The following HDAC9 variants were observed in gnomAD, a reference collection of about 807,000 sequenced individuals.
HDAC9 encodes MEF-2 interacting transcription repressor (MITR) protein.
A neutral mutation model predicts 139.4 loss-of-function variants in HDAC9; 41 were observed. The ratio of observed to expected loss-of-function variants is 0.29; its 90% CI spans 0.23 to 0.38. The LOEUF (loss-of-function observed/expected upper bound fraction) is 0.38, where lower values mean the gene tolerates loss of function less well. Ranked by LOEUF, HDAC9 falls within the 10% of genes least tolerant of loss-of-function variation. HDAC9 has a pLI of 1.00. For synonymous variants in HDAC9, 517 were observed against 476.2 expected, an observed-to-expected ratio of 1.09 and a Z score of -1.12; for missense variants, 1,147 against 1,297.0, an observed-to-expected ratio of 0.88 and a Z score of 1.78.
At chr7:18,752,941 A>G (rs1387616240) in intron 14 of HDAC9, among the ~76,000 whole-genome samples, 2 of 152,080 alleles carry the variant, frequency 1.3e-5, no homozygotes, top group Non-Finnish European at 2.9e-5. Context: ...TAATTCAGTA[A>G]GTCTGGAGTG....
At chr7:18,356,078 A>G (rs1783240562) in intron 1 of HDAC9, among the ~76,000 whole-genome samples, 1 of 152,140 alleles carries the variant, frequency 6.6e-6, no homozygotes, top group Admixed American at 6.6e-5. Context: ...ATCTAAATAT[A>G]CCTTAGTAAA....
intron 11 of HDAC9, among the ~76,000 whole-genome samples, chr7:18,653,912 A>G (rs1038274471): frequency 1.3e-5 from 2 of 151,946 alleles, no homozygotes; most frequent in East Asian, 1.9e-4. Context: ...CCTGTCCCCA[A>G]CCCTCCATCC....
At chr7:18,520,521 C>T (rs1804702613) in intron 2 of HDAC9, among the ~76,000 whole-genome samples, 1 of 152,106 alleles carries the variant, frequency 6.6e-6, no homozygotes, top group Non-Finnish European at 1.5e-5. Context: ...GACATATGAG[C>T]TTTCTGTTCT....
At chr7:18,786,339 C>T (rs989779672) in intron 16 of HDAC9, among the ~76,000 whole-genome samples, 3 of 152,020 alleles carry the variant, frequency 2.0e-5, no homozygotes, top group East Asian at 3.9e-4. Flanking sequence ...TCTTGTAGTC[C>T]CTCCATGCCT....
chr7:18,491,477 T>C (rs1222254768), upstream of HDAC9, among the ~76,000 whole-genome samples: 1 of 151,982 alleles, frequency 6.6e-6, no homozygotes, highest in Non-Finnish European at 1.5e-5. Context: ...ATAACTGTAG[T>C]CATCTTAAAT....
intron 25 of HDAC9, among the ~76,000 whole-genome samples, chr7:18,984,044 A>C (rs1199626119): frequency 9.9e-5 from 15 of 152,118 alleles, no homozygotes. Flanking sequence ...CAGGTCCTCC[A>C]TGCTTTCTCA....
At chr7:18,745,146 G>C (rs1000104585) in intron 13 of HDAC9, among the ~76,000 whole-genome samples, 2 of 152,018 alleles carry the variant, frequency 1.3e-5, no homozygotes, top group Admixed American at 1.3e-4. Flanking sequence ...CCATGTTTCT[G>C]AGAAGCCAAA....
chr7:18,456,849 C>G (rs148995131), intron 1 of HDAC9, among the ~76,000 whole-genome samples: 1 of 152,292 alleles, frequency 6.6e-6, no homozygotes, highest in Non-Finnish European at 1.5e-5. Context: ...ATGCAGAACT[C>G]TGGTTCCAAG....
chr7:18,895,513 G>A (rs777580386), intron 22 of HDAC9, among the ~76,000 whole-genome samples: 4 of 152,164 alleles, frequency 2.6e-5, no homozygotes, highest in East Asian at 1.9e-4. Context: ...TCAAAAGGAC[G>A]AGAGCATGAT....
chr7:18,793,032 T>C (rs1443207511), intron 16 of HDAC9: 2 of 309,162 alleles, frequency 6.5e-6, no homozygotes, highest in Non-Finnish European at 1.3e-5. Flanking sequence ...ATCCGGCCTA[T>C]GTAATGCTGT....
At chr7:18,459,014 C>T in intron 1 of HDAC9, 1 of 776,896 alleles carries the variant, frequency 1.3e-6, no homozygotes. Flanking sequence ...AACAACTTGG[C>T]CAAGATATGC....
chr7:18,337,814 TG>T (rs1781693672), intron 1 of HDAC9, among the ~76,000 whole-genome samples: 1 of 151,826 alleles, frequency 6.6e-6, no homozygotes, highest in African/African-American at 2.4e-5. Flanking sequence ...TTCTGAAAAT[TG>T]AAGGAGATGG....
chr7:18,666,615 T>A (rs547685028), intron 12 of HDAC9, 139 bp downstream of exon 12: 34 of 1,470,262 alleles, frequency 2.3e-5, no homozygotes, highest in Non-Finnish European at 2.8e-5. Flanking sequence ...GTTTAAGGAT[T>A]CTACCTAATG....
At chr7:18,445,258 A>G (rs1162249269) in intron 1 of HDAC9, among the ~76,000 whole-genome samples, 1 of 152,230 alleles carries the variant, frequency 6.6e-6, no homozygotes, top group African/African-American at 2.4e-5. Flanking sequence ...AGCTCAACTC[A>G]AAACTTCCTT....
At chr7:18,947,507 A>G (rs1177786260) in intron 23 of HDAC9, among the ~76,000 whole-genome samples, 3 of 151,956 alleles carry the variant, frequency 2.0e-5, no homozygotes, top group Non-Finnish European at 1.5e-5. Flanking sequence ...AATGGAATAT[A>G]TTAAATGGAA....
intron 1 of HDAC9, among the ~76,000 whole-genome samples, chr7:18,136,397 G>A (rs2128105958): frequency 6.6e-6 from 1 of 152,204 alleles, no homozygotes; most frequent in East Asian, 1.9e-4. Flanking sequence ...GTCCTGAATG[G>A]TAATGCCTAG....
At chr7:18,582,540 A>C (rs981151469) in intron 2 of HDAC9, among the ~76,000 whole-genome samples, 3 of 152,140 alleles carry the variant, frequency 2.0e-5, no homozygotes, top group Non-Finnish European at 2.9e-5. Flanking sequence ...TGGTTATCAT[A>C]GTGTAAATAT....
In HDAC9 at chr7:18,720,671, CT is replaced by C. The variant is rs1258276875; in HGVS notation, c.1732-6897del. Among the ~76,000 whole-genome samples, 1,271 of 142,664 alleles carry C rather than the reference CT, an allele frequency of 8.9e-3. 18 individuals carry two copies. The highest frequency in any genetic ancestry group is 0.029 in the African/African-American group (1,129 of 39,212). 93.6% of individuals were successfully genotyped at this position (142,664 alleles called of 152,430 possible). A position where few individuals can be genotyped will look rare whatever the true frequency, so the allele number is the denominator to read the frequency against. Reference sequence around the variant, plus strand: ...ACCAAACGTATTTTTATGCTCTTTTCTTTTTTTTTTTTCTTTTCTTCTTTTT... The same window carrying C: ...ACCAAACGTATTTTTATGCTCTTTTCTTTTTTTTTTTCTTTTCTTCTTTTT... On this transcript the variant is annotated intron_variant, in intron 12 of 25. Transcript: ENST00000686413.
intron 19 of HDAC9, among the ~76,000 whole-genome samples, chr7:18,831,764 A>G (rs1356198347): frequency 6.6e-6 from 1 of 152,146 alleles, no homozygotes; most frequent in Admixed American, 6.5e-5. Flanking sequence ...CAAGTTAGCA[A>G]TGAAAAAGCC....
Sources: gnomAD v4.1 joint callset for allele counts (sites outside exome capture counted in the v4.1 genomes callset) on GRCh38, gnomAD v4.1.1 for gene constraint, MANE v1.5 for transcripts, NCBI Gene and HGNC (gene_info 2026-07-23, HGNC 2026-07-21) for gene names.